The following FILIP1 variants were observed in gnomAD, a reference collection of about 807,000 sequenced individuals.
FILIP1 encodes filamin-A-interacting protein 1.
In FILIP1, 61 loss-of-function variants were observed where a neutral mutation model predicts 102.1. The observed-to-expected ratio is 0.60, with a 90% confidence interval of 0.49 to 0.74. FILIP1 has a LOEUF of 0.74. Among genes scored for constraint, FILIP1 ranks in the 30% least tolerant of loss-of-function variants. FILIP1 has a pLI of 0.00. For missense variants in FILIP1, 1,314 were observed against 1,441.2 expected (o/e 0.91, Z 1.43); for synonymous variants, 491 against 526.9 (o/e 0.93, Z 0.93).
intron 1 of FILIP1, among the ~76,000 whole-genome samples, chr6:75,459,671 T>C (rs780476225): frequency 3.0e-4 from 46 of 152,224 alleles, no homozygotes; most frequent in Non-Finnish European, 2.9e-5. Flanking sequence ...TATTAACATC[T>C]ACATTCCCTT....
At chr6:75,390,708 C>T (rs1460635373) in intron 2 of FILIP1, among the ~76,000 whole-genome samples, 1 of 152,132 alleles carries the variant, frequency 6.6e-6, no homozygotes, top group Non-Finnish European at 1.5e-5. Context: ...ATGTCCAACA[C>T]TGGGGATTAC....
At position 75,312,910 on chromosome 6, in the gene FILIP1, T is replaced by C. The variant is rs200776430; in HGVS notation, c.2922A>G (p.Pro974=). The change falls in exon 5 of 6, where the codon CCA becomes CCG. Residue 974 remains proline (P), a synonymous_variant. Transcript: ENST00000237172. ...TTGTGACTGGGGACATGGCTCGTTC[T>C]GGGCCAAGAGTAGTATCTCCACTTT... ...KQKSGDTTLG[P]ERAMSPVTIT... The C allele has an allele frequency of 3.1e-6, 5 of 1,614,246 alleles. No individual in the cohort carries two copies. Among genetic ancestry groups the C allele is most frequent in the Admixed American group, 1.7e-5 (1 of 60,026 alleles).
intron 1 of FILIP1, among the ~76,000 whole-genome samples, chr6:75,463,162 G>A (rs926521711): frequency 4.6e-5 from 7 of 152,180 alleles, no homozygotes; most frequent in Non-Finnish European, 7.3e-5. Flanking sequence ...ATGTTCTGGC[G>A]TATGTGCGGA....
In FILIP1 at chr6:75,362,810, G is replaced by C. The variant is rs778523176; in HGVS notation, c.384C>G (p.His128Gln). ...TCTCCTGGGCAAGAATGGCATCTCGGTGCAGGACCCGCAGCACTTTCTCTG... is the reference window on the plus strand; with the variant it reads ...TCTCCTGGGCAAGAATGGCATCTCGCTGCAGGACCCGCAGCACTTTCTCTG... ...AEPEKVLRVL[H>Q]RDAILAQEKS... Residue 128 changes from histidine (H) to glutamine (Q), a missense_variant, in exon 3 of 6, where the codon CAC (histidine) becomes CAG (glutamine). This residue lies in a region of FILIP1 where 494 missense variants were observed against 511.2 expected (regional missense o/e 0.97). Transcript: ENST00000237172. 3 of 1,613,808 alleles carry C rather than the reference G, an allele frequency of 1.9e-6. No homozygotes were observed. The South Asian group carries it at 3.3e-5, about 18-fold the overall frequency.
intron 2 of FILIP1, among the ~76,000 whole-genome samples, chr6:75,413,657 T>A (rs181132439): frequency 9.9e-5 from 15 of 152,176 alleles, no homozygotes; most frequent in African/African-American, 3.6e-4. Flanking sequence ...TTTTATTTCA[T>A]GCAATTGTTA....
chr6:75,296,341 TTGTGTGTGTGTGTGTGTGTGTG>T lies in FILIP1; in HGVS notation c.3494-413_3494-392del, dbSNP rs57430339. On this transcript the variant is annotated intron_variant, in intron 6 of 6. Coordinates refer to the FILIP1 transcript ENST00000393004. ...CAATATTTACACCTCTTCAATTTCT[TTGTGTGTGTGTGTGTGTGTGTG>T]TGTGTGTGTGTGTGTGTGTGGATTA... Among the ~76,000 whole-genome samples, 39 of 141,536 alleles carry T rather than the reference TTGTGTGTGTGTGTGTGTGTGTG, an allele frequency of 2.8e-4. 1 individual carries two copies. Among genetic ancestry groups the T allele is most frequent in the Non-Finnish European group, 4.8e-4 (31 of 65,218 alleles). 92.9% of individuals were successfully genotyped at this position (141,536 alleles called of 152,430 possible).
chr6:75,309,513 C>G (rs1773107659), intron 5 of FILIP1, among the ~76,000 whole-genome samples: 3 of 152,130 alleles, frequency 2.0e-5, no homozygotes, highest in Non-Finnish European at 4.4e-5. Context: ...TTCTCAGCCT[C>G]CTTTTAATGT....
intron 4 of FILIP1, among the ~76,000 whole-genome samples, chr6:75,317,954 T>C (rs767868383): frequency 6.6e-6 from 1 of 152,178 alleles, no homozygotes. Flanking sequence ...AGGCAAGACA[T>C]TGGGGATGGG....
In FILIP1 at chr6:75,493,631, GCTT is replaced by G. The variant is rs1247060567; in HGVS notation, c.-227_-225del. 4 of 152,174 alleles carry G rather than the reference GCTT, an allele frequency of 2.6e-5. No individual in the cohort carries two copies. Among genetic ancestry groups the G allele is most frequent in the African/African-American group, 7.2e-5 (3 of 41,430 alleles). 9.4% of individuals were successfully genotyped at this position (152,174 alleles called of 1,614,324 possible). ...AACAGAGTAGAGAGGAGGGAAAGCA[GCTT>G]CTTCTCCCTGAAATCCCGATCAGCA... On this transcript the variant is annotated 5_prime_UTR_variant, in exon 1 of 6. Transcript: ENST00000237172.
At chr6:75,419,209 C>T (rs1777369342) in intron 1 of FILIP1, among the ~76,000 whole-genome samples, 1 of 152,062 alleles carries the variant, frequency 6.6e-6, no homozygotes, top group South Asian at 2.1e-4. Flanking sequence ...AAATCTTGAC[C>T]TTGAATTTTC....
intron 3 of FILIP1, among the ~76,000 whole-genome samples, chr6:75,360,066 G>A (rs1355354659): frequency 2.0e-5 from 3 of 152,198 alleles, no homozygotes; most frequent in East Asian, 1.9e-4. Context: ...ACCTAACCTC[G>A]AGCTTGCCAT....
chr6:75,462,865 C>T (rs972000962), intron 1 of FILIP1, among the ~76,000 whole-genome samples: 2 of 152,148 alleles, frequency 1.3e-5, no homozygotes, highest in Non-Finnish European at 2.9e-5. Flanking sequence ...TTCTCCACTA[C>T]CTCCCTCATA....
chr6:75,479,010 T>C (rs537184783), intron 1 of FILIP1, among the ~76,000 whole-genome samples: 1 of 152,294 alleles, frequency 6.6e-6, no homozygotes, highest in Admixed American at 6.5e-5. Context: ...GTTTTAATAA[T>C]ACATAACTAA....
At chr6:75,420,568 G>T (rs1181207237) in intron 1 of FILIP1, among the ~76,000 whole-genome samples, 1 of 151,924 alleles carries the variant, frequency 6.6e-6, no homozygotes, top group East Asian at 1.9e-4. Flanking sequence ...TGTATTTCCA[G>T]TCTTACCTTT....
At chr6:75,331,827 A>G (rs1774095131) in intron 4 of FILIP1, among the ~76,000 whole-genome samples, 1 of 152,170 alleles carries the variant, frequency 6.6e-6, no homozygotes. Flanking sequence ...ATCCCCTCAC[A>G]TTCCAAAATT....
At chr6:75,446,682 C>T (rs936355614) in intron 1 of FILIP1, among the ~76,000 whole-genome samples, 2 of 152,142 alleles carry the variant, frequency 1.3e-5, no homozygotes, top group African/African-American at 4.8e-5. Flanking sequence ...AACCATCAAT[C>T]TCTCCCTGGC....
intron 1 of FILIP1, among the ~76,000 whole-genome samples, chr6:75,421,606 C>T (rs1405471992): frequency 1.3e-5 from 2 of 152,138 alleles, no homozygotes; most frequent in East Asian, 3.9e-4. Flanking sequence ...TCCACAACAT[C>T]TCTCTTCCCT....
At chr6:75,426,300 C>T (rs747861169) in intron 1 of FILIP1, among the ~76,000 whole-genome samples, 68 of 152,062 alleles carry the variant, frequency 4.5e-4, no homozygotes, top group Non-Finnish European at 8.5e-4. Flanking sequence ...CAAAAGAGGA[C>T]ATGAACATAA....
At chr6:75,388,313 G>T (rs140753699) in intron 2 of FILIP1, among the ~76,000 whole-genome samples, 4 of 152,110 alleles carry the variant, frequency 2.6e-5, no homozygotes, top group African/African-American at 9.7e-5. Flanking sequence ...GTCAGATAGC[G>T]TGATGCCTCC....
Sources: allele counts gnomAD v4.1 joint callset (sites outside exome capture counted in the v4.1 genomes callset), GRCh38; gene constraint gnomAD v4.1.1; regional missense constraint gnomAD v4.1.1; transcripts MANE v1.5; gene names NCBI Gene and HGNC (gene_info 2026-07-23, HGNC 2026-07-21).